The following ABCC4 variants were observed in gnomAD, a reference collection of about 807,000 sequenced individuals.
ABCC4 encodes ATP binding cassette subfamily C member 4 (PEL blood group).
In ABCC4, 102 loss-of-function variants were observed where a neutral mutation model predicts 168.5. The ratio of observed to expected loss-of-function variants is 0.61; its 90% CI spans 0.52 to 0.71. The LOEUF is 0.71. Among genes scored for constraint, ABCC4 ranks in the 30% least tolerant of loss-of-function variants. ABCC4 has a pLI of 0.00. For synonymous variants in ABCC4, 617 were observed against 590.7 expected, an observed-to-expected ratio of 1.04 and a Z score of -0.65; for missense variants, 1,402 against 1,605.8, an observed-to-expected ratio of 0.87 and a Z score of 2.17.
At chr13:95,122,923 A>C (rs553297262) in intron 19 of ABCC4, among the ~76,000 whole-genome samples, 3 of 152,352 alleles carry the variant, frequency 2.0e-5, no homozygotes, top group African/African-American at 4.8e-5. Flanking sequence ...TGTGTTTTCA[A>C]AGTGTAGTTG....
At chr13:95,148,229 CA>C (rs1285374818) in intron 19 of ABCC4, among the ~76,000 whole-genome samples, 1 of 151,862 alleles carries the variant, frequency 6.6e-6, no homozygotes, top group Non-Finnish European at 1.5e-5. Flanking sequence ...GTCACTCACA[CA>C]AAAAAAGGAT....
chr13:95,230,941 A>G (rs2039602569), intron 4 of ABCC4, among the ~76,000 whole-genome samples: 1 of 152,246 alleles, frequency 6.6e-6, no homozygotes, highest in Non-Finnish European at 1.5e-5. Context: ...GTGGAATATT[A>G]TTCACTCTTT....
chr13:95,126,320 C>A (rs1489183522), intron 19 of ABCC4, among the ~76,000 whole-genome samples: 1 of 152,124 alleles, frequency 6.6e-6, no homozygotes, highest in Admixed American at 6.5e-5. Context: ...ATGGTGGCAG[C>A]AACGCATATT....
chr13:95,094,852 A>C (rs1007617090), intron 20 of ABCC4, among the ~76,000 whole-genome samples: 3 of 152,092 alleles, frequency 2.0e-5, no homozygotes, highest in Non-Finnish European at 4.4e-5. Flanking sequence ...CAGAAAGTGG[A>C]CTTAGGACAT....
intron 8 of ABCC4, among the ~76,000 whole-genome samples, chr13:95,196,660 G>GA (rs2038449789): frequency 3.2e-5 from 1 of 31,628 alleles, no homozygotes; most frequent in Non-Finnish European, 5.8e-5. Flanking sequence ...AAGGAAGGAA[G>GA]GAAGGAAGGA....
intron 4 of ABCC4, among the ~76,000 whole-genome samples, chr13:95,232,158 A>C (rs7326711): frequency 6.7e-6 from 1 of 150,066 alleles, no homozygotes; most frequent in Non-Finnish European, 1.5e-5. Flanking sequence ...GGTGGTGGTG[A>C]TGATGATGAA....
At chr13:95,280,080 C>T (rs1449662293) in intron 1 of ABCC4, among the ~76,000 whole-genome samples, 1 of 152,142 alleles carries the variant, frequency 6.6e-6, no homozygotes, top group East Asian at 1.9e-4. Flanking sequence ...TGACACTGGC[C>T]TGGGCTCCCG....
chr13:95,049,136 C>A (rs376170822), intron 27 of ABCC4, among the ~76,000 whole-genome samples: 4 of 151,248 alleles, frequency 2.6e-5, no homozygotes, highest in African/African-American at 9.7e-5. Context: ...GAGTTTGAGA[C>A]CAGTGTGGCC....
At chr13:95,126,228 T>C (rs1037865625) in intron 19 of ABCC4, among the ~76,000 whole-genome samples, 2 of 152,070 alleles carry the variant, frequency 1.3e-5, no homozygotes, top group African/African-American at 2.4e-5. Flanking sequence ...TCATGGAATA[T>C]CTCCAAAAGA....
chr13:95,242,521 T>C (rs966200450), intron 3 of ABCC4, among the ~76,000 whole-genome samples: 3 of 152,064 alleles, frequency 2.0e-5, no homozygotes, highest in Non-Finnish European at 4.4e-5. Flanking sequence ...CCACTGCGCC[T>C]GGCCTAATTT....
intron 30 of ABCC4, among the ~76,000 whole-genome samples, chr13:95,026,792 G>A (rs2031568677): frequency 1.3e-5 from 2 of 152,014 alleles, no homozygotes; most frequent in Admixed American, 6.6e-5. Flanking sequence ...GGGAGGCTGA[G>A]AAGGGAGCAT....
At chr13:95,224,366 G>A (rs1049356481) in intron 4 of ABCC4, among the ~76,000 whole-genome samples, 3 of 151,976 alleles carry the variant, frequency 2.0e-5, no homozygotes, top group African/African-American at 7.3e-5. Context: ...CAGCAACCAT[G>A]TGCTTCAAAA....
intron 13 of ABCC4, 52 bp downstream of exon 13, chr13:95,177,655 C>T (rs2037750383): frequency 6.6e-7 from 1 of 1,512,506 alleles, no homozygotes; most frequent in Admixed American, 1.8e-5. Context: ...CCTGAGCCAA[C>T]TCGAAATGGC....
intron 13 of ABCC4, among the ~76,000 whole-genome samples, chr13:95,175,218 T>A (rs1486327532): frequency 2.6e-5 from 4 of 152,212 alleles, no homozygotes; most frequent in Admixed American, 6.5e-5. Context: ...CAGGACTTGT[T>A]ATGGACTGAA....
At chr13:95,176,244 GGT>G (rs1491372302) in intron 13 of ABCC4, among the ~76,000 whole-genome samples, 120 of 44,924 alleles carry the variant, frequency 2.7e-3, no homozygotes, top group African/African-American at 7.7e-3. Flanking sequence ...GGGGGGGGGG[GGT>G]GGATCCCTTG....
chr13:95,216,697 A>G (rs1304844869), intron 4 of ABCC4, among the ~76,000 whole-genome samples: 1 of 152,012 alleles, frequency 6.6e-6, no homozygotes, highest in Non-Finnish European at 1.5e-5. Context: ...CATGTAAATT[A>G]AAACAACAAT....
chr13:95,024,051 A>G (rs7331508), intron 30 of ABCC4, among the ~76,000 whole-genome samples: 74,290 of 151,464 alleles, frequency 0.49, 20,243 homozygotes, highest in Non-Finnish European at 0.6. Context: ...TACGAAAAAT[A>G]CAAAAATTAG....
chr13:95,267,545 C>A (rs773282890), intron 1 of ABCC4, among the ~76,000 whole-genome samples: 41 of 152,110 alleles, frequency 2.7e-4, no homozygotes, highest in Middle Eastern at 3.2e-3. Context: ...GCTCTACAGG[C>A]ATGGTGACAA....
At chr13:95,292,000 T>C (rs112881780) in intron 1 of ABCC4, among the ~76,000 whole-genome samples, 3 of 152,078 alleles carry the variant, frequency 2.0e-5, no homozygotes, top group African/African-American at 7.2e-5. Context: ...TCATGACCAA[T>C]TGAATGCCTA....
Sources: allele counts gnomAD v4.1 joint callset (sites outside exome capture counted in the v4.1 genomes callset), GRCh38; gene constraint gnomAD v4.1.1; transcripts MANE v1.5; gene names NCBI Gene and HGNC (gene_info 2026-07-23, HGNC 2026-07-21).